The following PRKCE variants were observed in gnomAD, a reference collection of about 807,000 sequenced individuals.
PRKCE encodes protein kinase C epsilon.
PRKCE carries 16 observed loss-of-function variants against 85.4 expected under a neutral mutation model. The observed-to-expected ratio is 0.19, with a 90% confidence interval of 0.13 to 0.28. The LOEUF (loss-of-function observed/expected upper bound fraction) is 0.28. PRKCE is among the 10% of genes least tolerant of loss of function. The pLI, the probability that PRKCE is intolerant of heterozygous loss-of-function variation, is 1.00. For missense variants in PRKCE, 573 were observed against 975.2 expected (o/e 0.59, Z 5.49); for synonymous variants, 388 against 371.5 (o/e 1.04, Z -0.51).
At chr2:45,772,618 G>T (rs1685432033) in intron 1 of PRKCE, among the ~76,000 whole-genome samples, 1 of 152,178 alleles carries the variant, frequency 6.6e-6, no homozygotes, top group South Asian at 2.1e-4. Context: ...CCCACAGTGA[G>T]CTTGCTGCCT....
chr2:45,893,015 T>C (rs1003738740), intron 2 of PRKCE, among the ~76,000 whole-genome samples: 1 of 152,140 alleles, frequency 6.6e-6, no homozygotes, highest in African/African-American at 2.4e-5. Flanking sequence ...CTCATTCCGC[T>C]GCACAGAGAA....
chr2:45,820,376 G>A (rs925552769), intron 1 of PRKCE, among the ~76,000 whole-genome samples: 11 of 152,088 alleles, frequency 7.2e-5, no homozygotes, highest in Non-Finnish European at 1.3e-4. Context: ...CGAGGTGGAA[G>A]TAGGCCTGAA....
intron 10 of PRKCE, among the ~76,000 whole-genome samples, chr2:46,082,941 T>C (rs930383982): frequency 6.6e-6 from 1 of 152,222 alleles, no homozygotes; most frequent in Non-Finnish European, 1.5e-5. Context: ...CAGCTTCTAT[T>C]ACTCAATCAT....
chr2:45,900,386 T>C (rs1425129504), intron 2 of PRKCE, among the ~76,000 whole-genome samples: 2 of 152,208 alleles, frequency 1.3e-5, no homozygotes, highest in Non-Finnish European at 2.9e-5. Context: ...AGTAGATGAA[T>C]GGATAAACAA....
intron 2 of PRKCE, among the ~76,000 whole-genome samples, chr2:45,848,333 C>T (rs1019263410): frequency 6.6e-5 from 10 of 151,164 alleles, no homozygotes; most frequent in South Asian, 2.1e-4. Flanking sequence ...TTTTTTGAGA[C>T]GGAGTCTTGC....
At chr2:46,160,815 T>G (rs982174269) in intron 14 of PRKCE, among the ~76,000 whole-genome samples, 9 of 152,166 alleles carry the variant, frequency 5.9e-5, no homozygotes, top group Non-Finnish European at 1.5e-5. Flanking sequence ...GGGGAGCCGT[T>G]ATTGACAATG....
At chr2:46,175,641 G>C (rs957302896) in intron 14 of PRKCE, among the ~76,000 whole-genome samples, 2 of 152,222 alleles carry the variant, frequency 1.3e-5, no homozygotes. Context: ...TCTGGCTGTA[G>C]AGCATGAAGG....
In PRKCE at chr2:45,705,077, C is replaced by T. The variant is rs1240397963; in HGVS notation, c.348+52629C>T. Among the ~76,000 whole-genome samples, 3 of 152,154 alleles carry T rather than the reference C, an allele frequency of 2.0e-5. No individual in the cohort carries two copies. In the East Asian group the frequency reaches 5.8e-4, roughly 29 times the overall value. On this transcript the variant is annotated intron_variant, in intron 1 of 14. Transcript: ENST00000306156. ...TCAAGAAGTTTAAAACTTACAAATGCCAGAGACTTACTATCATCACTATCA... is the reference window on the plus strand; with the variant it reads ...TCAAGAAGTTTAAAACTTACAAATGTCAGAGACTTACTATCATCACTATCA...
At chr2:46,006,016 C>T (rs1032227623) in intron 8 of PRKCE, among the ~76,000 whole-genome samples, 1 of 152,150 alleles carries the variant, frequency 6.6e-6, no homozygotes, top group Admixed American at 6.5e-5. Flanking sequence ...GGCTCCTGCC[C>T]TGCATGCTCT....
At chr2:45,890,035 C>G (rs983230560) in intron 2 of PRKCE, among the ~76,000 whole-genome samples, 1 of 152,186 alleles carries the variant, frequency 6.6e-6, no homozygotes, top group Non-Finnish European at 1.5e-5. Context: ...TTTTCTAATA[C>G]ATGGAGCTCA....
At chr2:45,869,702 C>CTTTT (rs201819838) in intron 2 of PRKCE, among the ~76,000 whole-genome samples, 21 of 122,626 alleles carry the variant, frequency 1.7e-4, no homozygotes, top group East Asian at 1.2e-3. Flanking sequence ...TTGTTTCTCT[C>CTTTT]TCTCTTTTTT....
intron 1 of PRKCE, among the ~76,000 whole-genome samples, chr2:45,819,868 A>G (rs141718267): frequency 3.6e-4 from 55 of 152,328 alleles, no homozygotes; most frequent in African/African-American, 1.3e-3. Flanking sequence ...ACTACAGTGA[A>G]GCAACAATAC....
chr2:45,940,066 G>C (rs2104195097), intron 2 of PRKCE, among the ~76,000 whole-genome samples: 1 of 152,322 alleles, frequency 6.6e-6, no homozygotes, highest in African/African-American at 2.4e-5. Context: ...ACTTGTCTCT[G>C]CGTCTTCCTG....
intron 1 of PRKCE, among the ~76,000 whole-genome samples, chr2:45,782,266 G>A (rs1686248248): frequency 6.6e-6 from 1 of 152,124 alleles, no homozygotes; most frequent in African/African-American, 2.4e-5. Flanking sequence ...CATTTCCTGG[G>A]AATGAATGTT....
intron 1 of PRKCE, among the ~76,000 whole-genome samples, chr2:45,782,788 C>A (rs1410031196): frequency 3.3e-5 from 5 of 152,090 alleles, no homozygotes; most frequent in African/African-American, 1.2e-4. Flanking sequence ...CACACTCACA[C>A]ACACACACCC....
intron 2 of PRKCE, among the ~76,000 whole-genome samples, chr2:45,887,191 C>G (rs923986713): frequency 6.6e-6 from 1 of 152,132 alleles, no homozygotes; most frequent in African/African-American, 2.4e-5. Context: ...AGGATACATG[C>G]TTGGTTGCAG....
At chr2:46,074,464 A>T (rs1668376791) in intron 10 of PRKCE, among the ~76,000 whole-genome samples, 1 of 151,986 alleles carries the variant, frequency 6.6e-6, no homozygotes, top group South Asian at 2.1e-4. Context: ...ACACGGATAG[A>T]AAAAACAGCA....
At chr2:45,706,570 C>G (rs937083483) in intron 1 of PRKCE, among the ~76,000 whole-genome samples, 2 of 152,168 alleles carry the variant, frequency 1.3e-5, no homozygotes, top group African/African-American at 4.8e-5. Context: ...ATGATCTTTG[C>G]TCTTGTTTCT....
intron 11 of PRKCE, among the ~76,000 whole-genome samples, chr2:46,104,257 T>C (rs1469763307): frequency 6.6e-6 from 1 of 151,006 alleles, no homozygotes; most frequent in Non-Finnish European, 1.5e-5. Context: ...AGCTCTTGAA[T>C]TACCCCAAGA....
Sources: allele counts gnomAD v4.1 joint callset (sites outside exome capture counted in the v4.1 genomes callset), GRCh38; gene constraint gnomAD v4.1.1; transcripts MANE v1.5; gene names NCBI Gene and HGNC (gene_info 2026-07-23, HGNC 2026-07-21).